The following NCALD variants were observed in gnomAD, a reference collection of about 807,000 sequenced individuals.
NCALD encodes the protein neurocalcin-delta.
In NCALD, 10 loss-of-function variants were observed where a neutral mutation model predicts 18.6. The observed-to-expected ratio is 0.54, with a 90% CI of 0.33 to 0.91. The LOEUF is 0.91. NCALD is among the 40% of genes least tolerant of loss of function. The pLI, the probability that NCALD is intolerant of heterozygous loss-of-function variation, is 0.03. For synonymous variants in NCALD, 88 were observed against 87.4 expected, an observed-to-expected ratio of 1.01 and a Z score of -0.04; for missense variants, 184 against 247.6, an observed-to-expected ratio of 0.74 and a Z score of 1.72.
chr8:101,965,199 A>G (rs1181861733), intron 2 of NCALD, among the ~76,000 whole-genome samples: 1 of 152,250 alleles, frequency 6.6e-6, no homozygotes, highest in Admixed American at 6.5e-5. Flanking sequence ...TGTGGAAGAC[A>G]GTGTGGCGAT....
chr8:101,953,377 C>A (rs1819505257), intron 2 of NCALD, among the ~76,000 whole-genome samples: 1 of 152,200 alleles, frequency 6.6e-6, no homozygotes, highest in Non-Finnish European at 1.5e-5. Flanking sequence ...GCTGTTAGGA[C>A]CTGACCTTAT....
At chr8:102,040,539 G>A (rs527536049) in intron 1 of NCALD, among the ~76,000 whole-genome samples, 7 of 152,224 alleles carry the variant, frequency 4.6e-5, no homozygotes, top group African/African-American at 1.7e-4. Context: ...AAGAGCTTGT[G>A]TATCAACCTA....
At chr8:101,912,895 C>T (rs949367888) in intron 3 of NCALD, among the ~76,000 whole-genome samples, 8 of 152,208 alleles carry the variant, frequency 5.3e-5, no homozygotes, top group Non-Finnish European at 1.2e-4. Flanking sequence ...CTCCTGCAGA[C>T]GTTGAAGGCA....
chr8:102,003,493 C>G (rs1304401331), intron 2 of NCALD, among the ~76,000 whole-genome samples: 3 of 152,120 alleles, frequency 2.0e-5, no homozygotes, highest in African/African-American at 2.4e-5. Context: ...CTATTCCAAT[C>G]AATAGAAAAA....
chr8:102,000,712 G>C (rs564327333), intron 2 of NCALD, among the ~76,000 whole-genome samples: 1 of 152,328 alleles, frequency 6.6e-6, no homozygotes, highest in East Asian at 1.9e-4. Context: ...AACACTTGCT[G>C]TTCACCAATA....
At chr8:101,953,854 A>T (rs186535610) in intron 2 of NCALD, among the ~76,000 whole-genome samples, 2 of 152,360 alleles carry the variant, frequency 1.3e-5, no homozygotes, top group Admixed American at 1.3e-4. Flanking sequence ...TCAAAAGTGC[A>T]GGTGGCCTGT....
At chr8:101,902,952 C>A (rs1444023761) in intron 3 of NCALD, among the ~76,000 whole-genome samples, 1 of 152,144 alleles carries the variant, frequency 6.6e-6, no homozygotes, top group East Asian at 1.9e-4. Flanking sequence ...GGAATAGAGA[C>A]CTTTCTTTCT....
intron 4 of NCALD, among the ~76,000 whole-genome samples, chr8:101,878,936 G>A (rs1816346569): frequency 6.6e-6 from 1 of 152,192 alleles, no homozygotes; most frequent in South Asian, 2.1e-4. Flanking sequence ...CTGTCCTCAT[G>A]GAACTTAGAG....
chr8:102,036,826 G>A (rs1369746174), intron 1 of NCALD, among the ~76,000 whole-genome samples: 2 of 151,998 alleles, frequency 1.3e-5, no homozygotes, highest in Admixed American at 6.6e-5. Context: ...TGACACATGA[G>A]GATAAGGGGA....
intron 2 of NCALD, among the ~76,000 whole-genome samples, chr8:102,009,354 C>T (rs1042695510): frequency 5.3e-5 from 8 of 152,210 alleles, no homozygotes; most frequent in African/African-American, 1.9e-4. Context: ...ACATCAAAGA[C>T]CTGTGTCAGA....
chr8:102,073,469 G>T (rs1824244531), intron 1 of NCALD, among the ~76,000 whole-genome samples: 1 of 151,810 alleles, frequency 6.6e-6, no homozygotes, highest in Non-Finnish European at 1.5e-5. Context: ...CCTATATATA[G>T]ATGTAACATG....
chr8:101,808,541 T>C (rs1241768864), intron 4 of NCALD, among the ~76,000 whole-genome samples: 1 of 152,182 alleles, frequency 6.6e-6, no homozygotes, highest in African/African-American at 2.4e-5. Flanking sequence ...AATAAAGACA[T>C]TTCCTAACTC....
At chr8:101,901,419 CTACTT>C (rs557243840) in intron 3 of NCALD, among the ~76,000 whole-genome samples, 155 of 152,016 alleles carry the variant, frequency 1.0e-3, no homozygotes, top group Non-Finnish European at 1.5e-3. Flanking sequence ...TGTTTGTTCT[CTACTT>C]TTTTTCCTTT....
chr8:102,036,765 AAAC>A (rs893208494), intron 1 of NCALD, among the ~76,000 whole-genome samples: 19 of 151,190 alleles, frequency 1.3e-4, no homozygotes, highest in Non-Finnish European at 2.4e-4. Context: ...ATATCTCAAA[AAAC>A]AACAACAACA....
At chr8:102,067,364 A>G (rs1824042502) in intron 1 of NCALD, among the ~76,000 whole-genome samples, 1 of 152,188 alleles carries the variant, frequency 6.6e-6, no homozygotes, top group Non-Finnish European at 1.5e-5. Context: ...AAACAATGTT[A>G]CTCAAACACT....
intron 2 of NCALD, among the ~76,000 whole-genome samples, chr8:101,969,268 T>G (rs1441750612): frequency 6.6e-6 from 1 of 152,166 alleles, no homozygotes; most frequent in Non-Finnish European, 1.5e-5. Flanking sequence ...GAAGGCCCAG[T>G]CTCACATTAA....
chr8:101,842,198 G>A (rs926946706), intron 4 of NCALD, among the ~76,000 whole-genome samples: 4 of 152,068 alleles, frequency 2.6e-5, no homozygotes, highest in African/African-American at 9.7e-5. Context: ...TACTGGATTA[G>A]GGCCCACCCT....
chr8:101,955,130 A>C (rs2131826594), intron 2 of NCALD, among the ~76,000 whole-genome samples: 1 of 152,342 alleles, frequency 6.6e-6, no homozygotes, highest in Admixed American at 6.5e-5. Context: ...GCAATGAATA[A>C]GGCGAGAGTG....
At chr8:102,034,993 C>T (rs901244261) in intron 1 of NCALD, among the ~76,000 whole-genome samples, 11 of 152,264 alleles carry the variant, frequency 7.2e-5, no homozygotes, top group Non-Finnish European at 1.3e-4. Flanking sequence ...CTGCCCTTAG[C>T]CCCTGGTAAC....
Sources: gnomAD v4.1 joint callset for allele counts (sites outside exome capture counted in the v4.1 genomes callset) on GRCh38, gnomAD v4.1.1 for gene constraint, MANE v1.5 for transcripts, NCBI Gene and HGNC (gene_info 2026-07-23, HGNC 2026-07-21) for gene names.